The following TPO variants were observed in gnomAD, a reference collection of about 807,000 sequenced individuals.
The protein encoded by TPO is thyroid peroxidase, also known as thyroid microsomal antigen.
In TPO, 78 loss-of-function variants were observed where a neutral mutation model predicts 96.9. The observed-to-expected ratio is 0.81, with a 90% CI of 0.67 to 0.97. TPO has a LOEUF of 0.97. TPO is among the 50% of genes least tolerant of loss of function. The probability of loss-of-function intolerance (pLI) is 0.00; values close to 1 mark genes in which losing one functional copy is unlikely to be tolerated. For synonymous variants in TPO, 547 were observed against 538.0 expected, an observed-to-expected ratio of 1.02 and a Z score of -0.23; for missense variants, 1,252 against 1,274.8, an observed-to-expected ratio of 0.98 and a Z score of 0.27.
rs144714557 is a variant in TPO, at chr2:1,381,140, T to G, written n.180+6738T>G. 3.1e-3 allele frequency among the ~76,000 whole-genome samples: 468 copies of G among 152,206 alleles called. 2 individuals carry two copies. The highest frequency in any genetic ancestry group is 0.011 in the African/African-American group (453 of 41,526). The stretch of plus-strand genomic sequence containing the variant: ...TTCGTGACTAAAACACCAAAAGCAA[T>G]GGCAATTAAAGCCAGAATTGACAAA... On this transcript the variant is annotated intron_variant and non_coding_transcript_variant, in intron 1 of 5. Transcript: ENST00000497517.
chr2:1,540,528 GCT>G, intron 15 of TPO, 64 bp from the exon 16 acceptor site: 1 of 1,604,774 alleles, frequency 6.2e-7, no homozygotes, highest in Middle Eastern at 1.8e-4. Flanking sequence ...CTCGTGCCGT[GCT>G]CTCTACCCTC....
intron 3 of TPO, among the ~76,000 whole-genome samples, chr2:1,429,710 A>C (rs75154719): frequency 0.02 from 3,072 of 152,316 alleles, 101 homozygotes; most frequent in East Asian, 0.13. Context: ...TGCCTCAGCA[A>C]AGAGCTTGGC....
intron 7 of TPO, among the ~76,000 whole-genome samples, chr2:1,458,590 T>A (rs1429401310): frequency 6.6e-6 from 1 of 152,108 alleles, no homozygotes; most frequent in African/African-American, 2.4e-5. Flanking sequence ...CATGTGTGTA[T>A]ATGGCATATA....
At chr2:1,492,557 G>A (rs1273867289) in intron 10 of TPO, among the ~76,000 whole-genome samples, 2 of 152,136 alleles carry the variant, frequency 1.3e-5, no homozygotes, top group Non-Finnish European at 2.9e-5. Flanking sequence ...TTTGCTCCAT[G>A]AGTCTGTTTA....
Position 1,470,670 on chromosome 2 carries a change from G to C in TPO, c.820-6416G>C, listed in dbSNP as rs1669319951. Among the ~76,000 whole-genome samples, 5 of 152,156 alleles carry C rather than the reference G, an allele frequency of 3.3e-5. No homozygotes were observed. In the Middle Eastern group the frequency reaches 0.014, roughly 414 times the overall value. ...GTGAGTAACATTTAAAAAAGCCATG[G>C]TGAGAGCAGCATCTGCCTCTGTTCC... On this transcript the variant is annotated intron_variant, in intron 7 of 16. Transcript: ENST00000329066.
At chr2:1,475,203 C>T (rs1183531805) in intron 7 of TPO, among the ~76,000 whole-genome samples, 1 of 152,124 alleles carries the variant, frequency 6.6e-6, no homozygotes, top group African/African-American at 2.4e-5. Context: ...TTGTGCTCTT[C>T]AATTTAATTC....
chr2:1,409,558 C>T (rs1662296284), upstream of TPO, among the ~76,000 whole-genome samples: 1 of 152,158 alleles, frequency 6.6e-6, no homozygotes. Context: ...TGCACGGCCA[C>T]AGCACAGCAA....
At chr2:1,494,897 C>T (rs1307020660) in intron 11 of TPO, among the ~76,000 whole-genome samples, 1 of 152,138 alleles carries the variant, frequency 6.6e-6, no homozygotes, top group Non-Finnish European at 1.5e-5. Context: ...TCTCTAATTT[C>T]TGAGATGCAG....
In TPO at chr2:1,542,398, A is replaced by ATGTT. The variant is rs766463263; in HGVS notation, c.2749-18_2749-15dup. The ATGTT allele has an allele frequency of 3.7e-5, 59 of 1,613,886 alleles. No individual in the cohort carries two copies. In the Middle Eastern group the frequency reaches 4.9e-4, roughly 13 times the overall value. On this transcript the variant is annotated intron_variant, in intron 16 of 16. Transcript: ENST00000329066. ...AGCAGTCAGAATTCAGACGTTATTA[A>ATGTT]TGTTTGTTCTGCATTTTTGCAGGAG...
At chr2:1,537,756 T>C (rs1680158555) in intron 15 of TPO, among the ~76,000 whole-genome samples, 1 of 56,858 alleles carries the variant, frequency 1.8e-5, no homozygotes, top group Non-Finnish European at 3.5e-5. Flanking sequence ...TCCCCACATC[T>C]CCCTCACTGA....
At chr2:1,452,577 G>A (rs1233042308) in intron 5 of TPO, among the ~76,000 whole-genome samples, 1 of 152,206 alleles carries the variant, frequency 6.6e-6, no homozygotes, top group Admixed American at 6.5e-5. Context: ...CTGTGACTAT[G>A]TCGCTGGGAA....
chr2:1,471,722 T>C (rs1162354859), intron 7 of TPO, among the ~76,000 whole-genome samples: 1 of 152,106 alleles, frequency 6.6e-6, no homozygotes, highest in Non-Finnish European at 1.5e-5. Context: ...TTGAAGTGTG[T>C]GTAGGGGAAA....
intron 1 of TPO, among the ~76,000 whole-genome samples, chr2:1,406,753 G>A (rs979149733): frequency 6.6e-6 from 1 of 152,250 alleles, no homozygotes; most frequent in Non-Finnish European, 1.5e-5. Context: ...GTAAATACAA[G>A]CTCCTGTTCT....
intron 14 of TPO, among the ~76,000 whole-genome samples, chr2:1,508,628 C>T (rs149402722): frequency 0.069 from 10,460 of 152,168 alleles, 429 homozygotes; most frequent in East Asian, 0.14. Context: ...AAGTATGTGT[C>T]GAGGAATTTA....
At chr2:1,510,729 C>T (rs1268384443) in intron 14 of TPO, among the ~76,000 whole-genome samples, 6 of 152,160 alleles carry the variant, frequency 3.9e-5, no homozygotes, top group African/African-American at 1.4e-4. Context: ...GCACATGAGC[C>T]TAAGACCATT....
intron 1 of TPO, among the ~76,000 whole-genome samples, chr2:1,396,214 G>A (rs1271377312): frequency 1.3e-5 from 2 of 152,202 alleles, no homozygotes; most frequent in Admixed American, 6.5e-5. Context: ...GCCAGCAGGG[G>A]TTCCCCAGGA....
At chr2:1,431,189 A>T (rs1324207485) in intron 3 of TPO, among the ~76,000 whole-genome samples, 2 of 152,130 alleles carry the variant, frequency 1.3e-5, no homozygotes, top group African/African-American at 4.8e-5. Context: ...GTTTAGCCCC[A>T]TCCTCTTGGT....
chr2:1,398,991 C>A (rs1028881398), intron 1 of TPO, among the ~76,000 whole-genome samples: 5 of 152,230 alleles, frequency 3.3e-5, no homozygotes, highest in African/African-American at 7.2e-5. Flanking sequence ...CCTCTGCAAG[C>A]CACGCTCACA....
intron 1 of TPO, among the ~76,000 whole-genome samples, chr2:1,378,265 C>T (rs569215412): frequency 4.9e-4 from 75 of 152,320 alleles, no homozygotes; most frequent in Middle Eastern, 3.4e-3. Flanking sequence ...AGTGCCCTTA[C>T]GTTGCTGGAG....
Sources: gnomAD v4.1 joint callset for allele counts (sites outside exome capture counted in the v4.1 genomes callset) on GRCh38, gnomAD v4.1.1 for gene constraint, MANE v1.5 for transcripts, NCBI Gene and HGNC (gene_info 2026-07-23, HGNC 2026-07-21) for gene names.